The following SP100 variants were observed in gnomAD, a reference collection of about 807,000 sequenced individuals.
The protein encoded by SP100 is SP100 nuclear body protein, also known as nuclear autoantigen Sp-100.
SP100 carries 84 observed loss-of-function variants against 130.0 expected under a neutral mutation model. That is an observed-to-expected ratio of 0.65 (90% CI 0.54 to 0.77). The LOEUF is 0.77. Ranked by LOEUF, SP100 falls within the 30% of genes least tolerant of loss-of-function variation. The pLI, the probability that SP100 is intolerant of heterozygous loss-of-function variation, is 0.00. For missense variants in SP100, 978 were observed against 1,052.2 expected (o/e 0.93, Z 0.97); for synonymous variants, 331 against 351.7 (o/e 0.94, Z 0.66).
intron 24 of SP100, 64 bp from the exon 25 acceptor site, chr2:230,539,203 G>C: frequency 1.1e-6 from 1 of 947,520 alleles, no homozygotes; most frequent in Non-Finnish European, 1.7e-6. Context: ...TACATAAAAA[G>C]GTCACATATT....
chr2:230,450,374 T>G, intron 8 of SP100, 119 bp downstream of exon 8: 1 of 673,728 alleles, frequency 1.5e-6, no homozygotes. Flanking sequence ...ATTACCAGAT[T>G]AAAAGCTGGA....
rs368040652 is a variant in SP100, at chr2:230,541,937, A to G, written c.2449A>G (p.Lys817Glu). 2 of 1,614,144 alleles carry G rather than the reference A, an allele frequency of 1.2e-6. No individual in the cohort carries two copies. Among genetic ancestry groups the G allele is most frequent in the Non-Finnish European group, 8.5e-7 (1 of 1,179,980 alleles). ...QGPQKPMWLNKVKTSLNEQMY... is the reference protein window; with the variant it reads ...QGPQKPMWLNEVKTSLNEQMY... ...CCCACAGAAGCCCATGTGGTTAAACAAAGTCAAGACAAGTTTGAATGAGCA... is the reference window on the plus strand; with the variant it reads ...CCCACAGAAGCCCATGTGGTTAAACGAAGTCAAGACAAGTTTGAATGAGCA... The change falls in exon 28 of 29, where the codon AAA (lysine) becomes GAA (glutamate). Residue 817 changes from lysine to glutamate, a missense_variant. Coordinates refer to ENST00000340126, the MANE Select transcript of SP100 (RefSeq NM_001080391.2).
At chr2:230,497,346 AAGT>A (rs2066724800) in intron 18 of SP100, among the ~76,000 whole-genome samples, 1 of 151,806 alleles carries the variant, frequency 6.6e-6, no homozygotes, top group South Asian at 2.1e-4. Flanking sequence ...ATGGTTGGAC[AAGT>A]TCAAATTGTG....
At chr2:230,423,458 A>T (rs1324245023) in intron 2 of SP100, among the ~76,000 whole-genome samples, 5 of 151,904 alleles carry the variant, frequency 3.3e-5, no homozygotes, top group African/African-American at 1.2e-4. Flanking sequence ...TTATTGATCC[A>T]CTACTCTTAT....
intron 18 of SP100, among the ~76,000 whole-genome samples, chr2:230,496,597 A>T (rs1452647759): frequency 6.6e-6 from 1 of 152,174 alleles, no homozygotes; most frequent in East Asian, 1.9e-4. Context: ...TTACTTTTGC[A>T]CCAACCTTAT....
At chr2:230,439,390 G>T (rs978240744) in intron 2 of SP100, among the ~76,000 whole-genome samples, 3 of 152,276 alleles carry the variant, frequency 2.0e-5, no homozygotes, top group African/African-American at 7.2e-5. Flanking sequence ...CTTTTGGGCA[G>T]TATGATCATT....
chr2:230,487,357 A>G (rs536171811), intron 17 of SP100, among the ~76,000 whole-genome samples: 11 of 152,336 alleles, frequency 7.2e-5, no homozygotes, highest in African/African-American at 2.2e-4. Context: ...TGTAAGGCAT[A>G]AGCAAGGGGT....
At chr2:230,474,669 C>G (rs149501591) in intron 17 of SP100, among the ~76,000 whole-genome samples, 3 of 152,078 alleles carry the variant, frequency 2.0e-5, no homozygotes, top group African/African-American at 7.2e-5. Flanking sequence ...GGTTCTTCAG[C>G]CCATGCCACC....
At chr2:230,504,619 T>C (rs1324186903) in intron 21 of SP100, among the ~76,000 whole-genome samples, 2 of 152,194 alleles carry the variant, frequency 1.3e-5, no homozygotes, top group East Asian at 3.8e-4. Context: ...ATGTAAAATG[T>C]TGTCTACCAG....
chr2:230,466,996 A>G, intron 12 of SP100, 124 bp from the exon 13 acceptor site: 2 of 687,880 alleles, frequency 2.9e-6, no homozygotes, highest in Non-Finnish European at 2.6e-6. Flanking sequence ...AGGCACGGAC[A>G]TTCTTGCCCT....
Position 230,516,094 on chromosome 2 carries a change from C to T in SP100, c.2094+4928C>T, listed in dbSNP as rs575597223. 196 of 987,956 alleles carry T rather than the reference C, an allele frequency of 2.0e-4. No individual in the cohort carries two copies. The African/African-American group carries it at 3.0e-3, about 15-fold the overall frequency. The allele number at this position is 987,956 out of a possible 1,614,324, so 61.2% of individuals were successfully genotyped here. ...TAAGTAAATACAATTTTTAAAAAAC[C>T]GTATGAGGGAACTGTGTAGACAAGG... On this transcript the variant is annotated intron_variant, in intron 24 of 28. Coordinates refer to ENST00000340126, the MANE Select transcript of SP100 (RefSeq NM_001080391.2).
intron 17 of SP100, among the ~76,000 whole-genome samples, chr2:230,491,753 A>T (rs759525045): frequency 1.3e-5 from 2 of 152,284 alleles, no homozygotes; most frequent in Non-Finnish European, 2.9e-5. Context: ...AAGGATTACA[A>T]TTCAACATGA....
rs1286493763 is a variant in SP100 at position 230,446,903 on chromosome 2, G to A, written c.523+1G>A. The A allele has an allele frequency of 6.3e-7, 1 of 1,592,102 alleles. No individual in the cohort carries two copies. Among genetic ancestry groups the A allele is most frequent in the Non-Finnish European group, 8.6e-7 (1 of 1,162,084 alleles). On this transcript the variant is annotated splice_donor_variant, in intron 5 of 28. Coordinates refer to ENST00000340126, the MANE Select transcript of SP100 (RefSeq NM_001080391.2). LOFTEE classifies it high-confidence loss of function. The stretch of plus-strand genomic sequence containing the variant: ...GGCCTCCAACTAAGTCTTGAACAAG[G>A]TAAAAATGACAGAATAAAAGCTTTT...
rs766864195 is a variant in SP100, at chr2:230,515,437, GCTGA to G, written c.2094+4273_2094+4276del. ...AGGGATGTGGAATAACACCGCTGCA[GCTGA>G]CAAGCAGTTTTATGAAAAGAAGGCT... is the stretch of plus-strand genomic sequence containing the variant. On this transcript the variant is annotated intron_variant, in intron 24 of 28. Transcript: ENST00000340126. The G allele has an allele frequency of 2.5e-6, 4 of 1,613,760 alleles. No individual in the cohort carries two copies. The African/African-American group carries it at 5.3e-5, about 22-fold the overall frequency.
intron 2 of SP100, among the ~76,000 whole-genome samples, chr2:230,422,822 T>A (rs983278982): frequency 6.6e-6 from 1 of 152,212 alleles, no homozygotes; most frequent in Non-Finnish European, 1.5e-5. Context: ...AACACCTACA[T>A]GGTCATGCCA....
Position 230,418,919 on chromosome 2 carries a change from G to A in SP100, c.107+1254G>A, listed in dbSNP as rs546524673. ...CTTCCTCTTCCTCCAGAATGTCTTAGACTCCCAAATTTGCCTGTCAAAATC... is the reference window on the plus strand; with the variant it reads ...CTTCCTCTTCCTCCAGAATGTCTTAAACTCCCAAATTTGCCTGTCAAAATC... On this transcript the variant is annotated intron_variant, in intron 2 of 28. Coordinates refer to ENST00000340126, the MANE Select transcript of SP100 (RefSeq NM_001080391.2). Among the ~76,000 whole-genome samples, 14 of 152,132 alleles carry A rather than the reference G, an allele frequency of 9.2e-5. No homozygotes were observed. In the South Asian group the frequency reaches 2.9e-3, roughly 32 times the overall value.
At chr2:230,452,801 G>A (rs929684764) in intron 8 of SP100, among the ~76,000 whole-genome samples, 1 of 125,198 alleles carries the variant, frequency 8.0e-6, no homozygotes, top group Non-Finnish European at 1.7e-5. Flanking sequence ...TACTGAATTT[G>A]TTTATTAGTT....
intron 8 of SP100, among the ~76,000 whole-genome samples, chr2:230,453,435 T>G (rs1043942272): frequency 1.3e-5 from 2 of 152,238 alleles, no homozygotes; most frequent in Non-Finnish European, 2.9e-5. Flanking sequence ...TTAAGTATGG[T>G]ACTAGCTGTG....
chr2:230,515,074 T>C lies in SP100; in HGVS notation c.2094+3908T>C, dbSNP rs540771479. 7.2e-5 allele frequency: 116 copies of C among 1,610,700 alleles called. No individual in the cohort carries two copies. In the South Asian group the frequency reaches 1.1e-3, roughly 16 times the overall value. ...GAGAGGTGAAATGTTATCATATGCA[T>C]TTTTTGTGCAAACTTGTCAGGAGGA... On this transcript the variant is annotated intron_variant, in intron 24 of 28. Transcript: ENST00000340126.
Sources: allele counts gnomAD v4.1 joint callset (sites outside exome capture counted in the v4.1 genomes callset), GRCh38; gene constraint gnomAD v4.1.1; transcripts MANE v1.5; gene names NCBI Gene and HGNC (gene_info 2026-07-23, HGNC 2026-07-21).